Variants in CD247 observed in about 807,000 individuals in gnomAD.
CD247 encodes the protein CD247 molecule.
In CD247, 13 loss-of-function variants were observed where a neutral mutation model predicts 30.0. That is an observed-to-expected ratio of 0.43 (90% CI 0.28 to 0.69). The LOEUF is 0.69. Ranked by LOEUF, CD247 falls within the 30% of genes least tolerant of loss-of-function variation. CD247 has a pLI of 0.16. For synonymous variants in CD247, 72 were observed against 80.0 expected (o/e 0.90, Z 0.53); for missense variants, 193 against 212.6 (o/e 0.91, Z 0.57).
At position 167,518,439 on chromosome 1, in the gene CD247, C is replaced by G. The variant is rs757294201; in HGVS notation, c.27G>C (p.Ala9=). The change falls in exon 1 of 8, where the codon GCG becomes GCC. Residue 9 remains alanine (A), a synonymous_variant. Transcript: ENST00000362089. ...TCGGCAACTGTGCCTGCAGGATGGC[C>G]GCGGTGAAAAGCGCCTTCCACTTCA... MKWKALFT[A]AILQAQLPIT... is the part of the protein sequence containing the mutation. 1 of 1,614,030 alleles carries G rather than the reference C, an allele frequency of 6.2e-7. No homozygotes were observed. The highest frequency in any genetic ancestry group is 8.5e-7 in the Non-Finnish European group (1 of 1,180,038).
chr1:167,449,328 A>AT (rs1652250771), intron 1 of CD247, among the ~76,000 whole-genome samples: 1 of 150,356 alleles, frequency 6.7e-6, no homozygotes, highest in Admixed American at 6.6e-5. Flanking sequence ...AATTTTTTGT[A>AT]TTTTTAGCAG....
chr1:167,439,322 G>C (rs1161961347), intron 3 of CD247, 22 bp downstream of exon 3: 4 of 1,611,318 alleles, frequency 2.5e-6, no homozygotes, highest in Non-Finnish European at 3.4e-6. Flanking sequence ...TTTCCGGAGG[G>C]TCTACGGCGA....
chr1:167,505,267 T>TG (rs1553236935), intron 1 of CD247, among the ~76,000 whole-genome samples: 3 of 151,984 alleles, frequency 2.0e-5, no homozygotes, highest in South Asian at 2.1e-4. Context: ...AGTAGCTTTT[T>TG]TTGTTGTTGT....
intron 1 of CD247, among the ~76,000 whole-genome samples, chr1:167,474,998 C>T (rs564046683): frequency 2.9e-4 from 44 of 151,896 alleles, no homozygotes; most frequent in African/African-American, 9.9e-4. Flanking sequence ...GTGATCCACC[C>T]GCCTCAGCCT....
At chr1:167,500,666 G>C (rs1654861931) in intron 1 of CD247, among the ~76,000 whole-genome samples, 1 of 152,226 alleles carries the variant, frequency 6.6e-6, no homozygotes, top group Non-Finnish European at 1.5e-5. Context: ...TGTGCTGTGA[G>C]TTTCTGAGAA....
chr1:167,471,831 C>CTTTTTTTTTTTTTTTTTTTTTTTTTTT, intron 1 of CD247, among the ~76,000 whole-genome samples: 1 of 117,188 alleles, frequency 8.5e-6, no homozygotes, highest in Non-Finnish European at 1.7e-5. Context: ...CTGTTTCTTT[C>CTTTTTTTTTTTTTTTTTTTTTTTTTTT]TTTTTTTTTT....
intron 1 of CD247, among the ~76,000 whole-genome samples, chr1:167,473,524 T>C (rs1470899789): frequency 6.6e-6 from 1 of 152,108 alleles, no homozygotes; most frequent in Non-Finnish European, 1.5e-5. Flanking sequence ...AATGAGGCGC[T>C]GTTATTATTC....
intron 1 of CD247, among the ~76,000 whole-genome samples, chr1:167,504,100 G>C (rs993873295): frequency 2.0e-5 from 3 of 152,290 alleles, no homozygotes; most frequent in East Asian, 1.9e-4. Context: ...GTTCATGGCG[G>C]GGGGAGCGAG....
chr1:167,445,897 T>C (rs1403166449), intron 1 of CD247, among the ~76,000 whole-genome samples: 1 of 152,204 alleles, frequency 6.6e-6, no homozygotes, highest in Non-Finnish European at 1.5e-5. Flanking sequence ...TTCTTCTCAT[T>C]TGAACTCTAA....
chr1:167,496,782 G>T (rs1007893341), intron 1 of CD247, among the ~76,000 whole-genome samples: 1 of 152,186 alleles, frequency 6.6e-6, no homozygotes, highest in African/African-American at 2.4e-5. Context: ...TTCCTAAATG[G>T]TTATCAGCTC....
Position 167,518,401 on chromosome 1 carries a change from G to T in CD247, c.58+7C>A. ...GAAGTTCCCTGCCGTCGACACGTCG[G>T]CCCTACCTGTAATCGGCAACTGTGC... On this transcript the variant is annotated splice_region_variant and intron_variant, in intron 1 of 7. Transcript: ENST00000362089. 6.2e-7 allele frequency: 1 copy of T among 1,613,960 alleles called. No homozygotes were observed. Among genetic ancestry groups the T allele is most frequent in the Non-Finnish European group, 8.5e-7 (1 of 1,179,828 alleles).
chr1:167,433,179 G>T, intron 6 of CD247, 120 bp from the exon 7 acceptor site: 1 of 958,454 alleles, frequency 1.0e-6, no homozygotes. Context: ...TCTCCCAGCA[G>T]CACCCCTGCC....
intron 1 of CD247, among the ~76,000 whole-genome samples, chr1:167,514,989 G>A (rs1158781766): frequency 6.6e-6 from 1 of 152,138 alleles, no homozygotes; most frequent in Non-Finnish European, 1.5e-5. Context: ...ATTAAATACA[G>A]CAGTGGTTAT....
chr1:167,514,173 G>A (rs1655504707), intron 1 of CD247, among the ~76,000 whole-genome samples: 1 of 151,900 alleles, frequency 6.6e-6, no homozygotes, highest in South Asian at 2.1e-4. Context: ...ATCTTGCTCT[G>A]TCGCCCAGGC....
intron 1 of CD247, among the ~76,000 whole-genome samples, chr1:167,481,544 G>C (rs1241198328): frequency 6.6e-6 from 1 of 152,184 alleles, no homozygotes; most frequent in Non-Finnish European, 1.5e-5. Flanking sequence ...GGTGGGGGCG[G>C]AAAGAGAAAC....
At chr1:167,483,020 T>TTC (rs1654039967) in intron 1 of CD247, among the ~76,000 whole-genome samples, 1 of 106,256 alleles carries the variant, frequency 9.4e-6, no homozygotes, top group African/African-American at 3.3e-5. Flanking sequence ...TTCTTTTTTT[T>TTC]TTTTTGAGAC....
At chr1:167,443,589 G>C (rs1192092183) in intron 1 of CD247, among the ~76,000 whole-genome samples, 3 of 152,118 alleles carry the variant, frequency 2.0e-5, no homozygotes, top group East Asian at 3.9e-4. Flanking sequence ...AATTAGAACA[G>C]AAAAATTACT....
At chr1:167,470,069 A>G (rs1267903949) in intron 1 of CD247, among the ~76,000 whole-genome samples, 1 of 151,988 alleles carries the variant, frequency 6.6e-6, no homozygotes, top group East Asian at 1.9e-4. Flanking sequence ...TCATGCCATC[A>G]TGCCCAGCTA....
In CD247 at chr1:167,485,210, A is replaced by C. The variant is rs148367971; in HGVS notation, c.58+33198T>G. 3.2e-3 allele frequency among the ~76,000 whole-genome samples: 482 copies of C among 152,262 alleles called. 5 individuals are homozygous for C. Among genetic ancestry groups the C allele is most frequent in the African/African-American group, 0.011 (453 of 41,546 alleles). On this transcript the variant is annotated intron_variant, in intron 1 of 7. Coordinates refer to ENST00000362089, the MANE Select transcript of CD247 (RefSeq NM_198053.3). The stretch of plus-strand genomic sequence containing the variant: ...ACCTATTGGAAGATCTAAGGGGGGC[A>C]TTTGAAAATGAAAAGGGAGCTTGCA...
Sources: allele counts gnomAD v4.1 joint callset (sites outside exome capture counted in the v4.1 genomes callset), GRCh38; gene constraint gnomAD v4.1.1; transcripts MANE v1.5; gene names NCBI Gene and HGNC (gene_info 2026-07-23, HGNC 2026-07-21).